The following EPHA8 variants were observed in gnomAD, a reference collection of about 807,000 sequenced individuals.
EPHA8 encodes EPH receptor A8, also known as ephrin type-A receptor 8.
A neutral mutation model predicts 103.6 loss-of-function variants in EPHA8; 58 were observed. The ratio of observed to expected loss-of-function variants is 0.56; its 90% CI spans 0.45 to 0.70. The LOEUF (loss-of-function observed/expected upper bound fraction) is 0.70. Among genes scored for constraint, EPHA8 ranks in the 30% least tolerant of loss-of-function variants. EPHA8 has a pLI of 0.00. For synonymous variants in EPHA8, 559 were observed against 572.5 expected (o/e 0.98, Z 0.34); for missense variants, 1,304 against 1,395.2 (o/e 0.93, Z 1.04).
chr1:22,598,693 A>C lies in EPHA8; in HGVS notation c.2179-145A>C. On this transcript the variant is annotated intron_variant, in intron 12 of 16. Transcript: ENST00000166244. The surrounding 1 kb of genome is among the most constrained non-coding windows in gnomAD (Gnocchi z 5.1). ...GACCAGGAGAATAACCCTTAACTGCAAAGTGCTTCAGAAGTAGTGGCGCAC... is the reference window on the plus strand; with the variant it reads ...GACCAGGAGAATAACCCTTAACTGCCAAGTGCTTCAGAAGTAGTGGCGCAC... The C allele has an allele frequency of 3.9e-6, 3 of 769,882 alleles. No individual in the cohort carries two copies. The highest frequency in any genetic ancestry group is 6.3e-6 in the Non-Finnish European group (3 of 474,388). The allele number at this position is 769,882 out of a possible 1,614,324, so 47.7% of individuals were successfully genotyped here.
intron 9 of EPHA8, among the ~76,000 whole-genome samples, chr1:22,596,847 G>A (rs1226164968): frequency 2.0e-5 from 3 of 151,844 alleles, no homozygotes; most frequent in African/African-American, 7.3e-5. Flanking sequence ...TTAGTAGAAC[G>A]AGGTTTCACC....
chr1:22,578,492 G>A (rs963085118), intron 3 of EPHA8, among the ~76,000 whole-genome samples: 1 of 146,288 alleles, frequency 6.8e-6, no homozygotes, highest in African/African-American at 2.5e-5. Flanking sequence ...GTGTGTGCAT[G>A]TGTGCATGAG....
At chr1:22,599,865 A>AAGGGAAGGAAGGAAGGAGGGAAGGAGGG (rs1246509517) in intron 13 of EPHA8, among the ~76,000 whole-genome samples, 312 of 54,002 alleles carry the variant, frequency 5.8e-3, no homozygotes, top group Non-Finnish European at 8.3e-3. Context: ...GGAAGGGAGG[A>AAGGGAAGGAAGGAAGGAGGGAAGGAGGG]AGGGAAGGAG....
intron 2 of EPHA8, among the ~76,000 whole-genome samples, chr1:22,570,308 G>T (rs1252877266): frequency 2.8e-5 from 4 of 142,046 alleles, no homozygotes; most frequent in African/African-American, 1.1e-4. Context: ...GCACACGTGT[G>T]CGTGTACACA....
In EPHA8 at chr1:22,569,436, C is replaced by A; in HGVS notation, c.159+83C>A. ...CTCACAGAGTCTGCATGAGATAGATCAAAAGGAAGCAGAGGCCCAGAGAGG... is the reference window on the plus strand; with the variant it reads ...CTCACAGAGTCTGCATGAGATAGATAAAAAGGAAGCAGAGGCCCAGAGAGG... On this transcript the variant is annotated intron_variant, in intron 2 of 16. Coordinates refer to ENST00000166244, the MANE Select transcript of EPHA8 (RefSeq NM_020526.5). This position sits in a 1 kb window ranked among gnomAD's most constrained non-coding sequence, Gnocchi z 4.5. 1 of 1,428,920 alleles carries A rather than the reference C, an allele frequency of 7.0e-7. No individual in the cohort carries two copies. Among genetic ancestry groups the A allele is most frequent in the South Asian group, 1.4e-5 (1 of 72,978 alleles). 88.5% of individuals were successfully genotyped at this position (1,428,920 alleles called of 1,614,324 possible).
rs913947716 is a variant in EPHA8, at chr1:22,600,643, C to T, written c.2389-18C>T. On this transcript the variant is annotated intron_variant, in intron 13 of 16. Transcript: ENST00000166244. ...GCCAGGCCTGGGCAGCCCCTCAACTCTTGTGTGTCCGTCGCAGGGCGGGAA... is the reference window on the plus strand; with the variant it reads ...GCCAGGCCTGGGCAGCCCCTCAACTTTTGTGTGTCCGTCGCAGGGCGGGAA... 2 of 1,612,136 alleles carry T rather than the reference C, an allele frequency of 1.2e-6. No homozygotes were observed. Among genetic ancestry groups the T allele is most frequent in the Admixed American group, 3.3e-5 (2 of 59,882 alleles).
chr1:22,579,131 ATG>A (rs139294687), intron 3 of EPHA8, among the ~76,000 whole-genome samples: 5,006 of 122,680 alleles, frequency 0.041, 281 homozygotes, highest in African/African-American at 0.13. Flanking sequence ...GTATGTGTGC[ATG>A]TGTGTGTGCA....
chr1:22,574,402 T>G (rs1246057021), intron 2 of EPHA8, among the ~76,000 whole-genome samples: 1 of 152,220 alleles, frequency 6.6e-6, no homozygotes, highest in Non-Finnish European at 1.5e-5. Flanking sequence ...TGTGTGGCCA[T>G]CACCACCACC....
Position 22,576,429 on chromosome 1 carries a change from C to G in EPHA8, c.372C>G (p.Leu124=), listed in dbSNP as rs1355443105. 8.7e-6 allele frequency: 14 copies of G among 1,614,040 alleles called. No homozygotes were observed. Among genetic ancestry groups the G allele is most frequent in the Non-Finnish European group, 1.2e-5 (14 of 1,180,052 alleles). Residue 124 remains leucine, a synonymous_variant, in exon 3 of 17, where the codon CTC becomes CTG. Transcript: ENST00000166244. The surrounding 1 kb of genome is among the most constrained non-coding windows in gnomAD (Gnocchi z 4.8). ...GCACCTGCAAGGAGACCTTCAACCT[C>G]TACTACCTGGAGTCGGACCGCGACC... ...VLGTCKETFN[L]YYLESDRDLG... is the part of the protein sequence containing the mutation.
At chr1:22,573,952 G>C (rs780314930) in intron 2 of EPHA8, among the ~76,000 whole-genome samples, 1 of 152,194 alleles carries the variant, frequency 6.6e-6, no homozygotes, top group Non-Finnish European at 1.5e-5. Context: ...TGGTGGACCC[G>C]GGGCACTTGA....
chr1:22,589,656 C>T lies in EPHA8; in HGVS notation c.1315+450C>T. On this transcript the variant is annotated intron_variant, in intron 5 of 16. Transcript: ENST00000166244. The surrounding 1 kb of genome is among the most constrained non-coding windows in gnomAD (Gnocchi z 4.3). ...TGATCATTTTCCAGAACAGCTGCTA[C>T]AGCTGCCCTTGGGATAGACTTGGCT... 2 of 1,167,392 alleles carry T rather than the reference C, an allele frequency of 1.7e-6. No individual in the cohort carries two copies. The highest frequency in any genetic ancestry group is 7.2e-5 in the South Asian group (2 of 27,772). The allele number at this position is 1,167,392 out of a possible 1,614,324, so 72.3% of individuals were successfully genotyped here. A position where few individuals can be genotyped will look rare whatever the true frequency, so the allele number is the denominator to read the frequency against.
At chr1:22,570,289 CACACACATGCACACGTGTGCGTGT>C (rs564027616) in intron 2 of EPHA8, among the ~76,000 whole-genome samples, 105 of 150,862 alleles carry the variant, frequency 7.0e-4, no homozygotes, top group Non-Finnish European at 9.6e-4. Context: ...CACGCGCGTA[CACACACATGCACACGTGTGCGTGT>C]ACACACATGC....
intron 3 of EPHA8, among the ~76,000 whole-genome samples, chr1:22,578,034 T>C: frequency 3.2e-5 from 1 of 31,516 alleles, no homozygotes; most frequent in Non-Finnish European, 7.8e-5. Context: ...TGTGTGCATG[T>C]GTATGTATGT....
intron 1 of EPHA8, among the ~76,000 whole-genome samples, chr1:22,565,639 T>G (rs1640337547): frequency 6.6e-6 from 1 of 152,154 alleles, no homozygotes; most frequent in African/African-American, 2.4e-5. Flanking sequence ...AATCACAGGC[T>G]GGTAGCCCCA....
At chr1:22,590,786 G>A (rs966015474) in intron 5 of EPHA8, among the ~76,000 whole-genome samples, 15 of 151,920 alleles carry the variant, frequency 9.9e-5, no homozygotes, top group Non-Finnish European at 1.9e-4. Flanking sequence ...CCAACTCGCG[G>A]TCACCAGCGA....
chr1:22,568,863 G>T (rs1021642523), intron 1 of EPHA8, among the ~76,000 whole-genome samples: 1 of 152,220 alleles, frequency 6.6e-6, no homozygotes. Flanking sequence ...TGTGGGACCG[G>T]AATTGTTATC....
chr1:22,581,081 C>T (rs929885781), intron 3 of EPHA8, among the ~76,000 whole-genome samples: 4 of 152,222 alleles, frequency 2.6e-5, no homozygotes, highest in African/African-American at 9.6e-5. Flanking sequence ...ATTTCTTATC[C>T]TTACAACAGT....
At position 22,599,051 on chromosome 1, in the gene EPHA8, C is replaced by G; in HGVS notation, c.2388+4C>G. 6.3e-7 allele frequency: 1 copy of G among 1,593,440 alleles called. No individual in the cohort carries two copies. The highest frequency in any genetic ancestry group is 8.5e-7 in the Non-Finnish European group (1 of 1,170,342). On this transcript the variant is annotated splice_donor_region_variant and intron_variant, in intron 13 of 16. Coordinates refer to ENST00000166244, the MANE Select transcript of EPHA8 (RefSeq NM_020526.5). Reference sequence around the variant, plus strand: ...GGATGCTGCCTACACCACCACGGTGCGTCGCCCACACTCCTTCCGGCTAGA... The same window carrying G: ...GGATGCTGCCTACACCACCACGGTGGGTCGCCCACACTCCTTCCGGCTAGA...
intron 3 of EPHA8, among the ~76,000 whole-genome samples, chr1:22,578,136 A>AGTGTATGCATGTGTGCG (rs1557559500): frequency 2.8e-4 from 19 of 68,760 alleles, no homozygotes; most frequent in Non-Finnish European, 5.4e-4. Flanking sequence ...GCATGTGTGC[A>AGTGTATGCATGTGTGCG]TGTGTGTATG....
Sources: gnomAD v4.1 joint callset for allele counts (sites outside exome capture counted in the v4.1 genomes callset) on GRCh38, gnomAD v4.1.1 for gene constraint, Gnocchi (gnomAD v3.1) non-coding constraint, MANE v1.5 for transcripts, NCBI Gene and HGNC (gene_info 2026-07-23, HGNC 2026-07-21) for gene names.